The following DNAH6 variants were observed in gnomAD, a reference collection of about 807,000 sequenced individuals.
DNAH6 encodes axonemal beta dynein heavy chain 6.
Under a neutral mutation model 491.4 loss-of-function variants are expected in DNAH6, and 340 were observed. That is an observed-to-expected ratio of 0.69 (90% CI 0.63 to 0.76). DNAH6 has a LOEUF of 0.76. Among genes scored for constraint, DNAH6 ranks in the 30% least tolerant of loss-of-function variants. The pLI is 0.00. For synonymous variants in DNAH6, 1,603 were observed against 1,686.1 expected, an observed-to-expected ratio of 0.95 and a Z score of 1.21; for missense variants, 4,443 against 4,972.2, an observed-to-expected ratio of 0.89 and a Z score of 3.20.
chr2:84,819,180 G>A, intron 76 of DNAH6, 125 bp from the exon 77 acceptor site: 1 of 603,778 alleles, frequency 1.7e-6, no homozygotes, highest in Non-Finnish European at 2.9e-6. Context: ...AGGACTATTT[G>A]TCCAGCATCT....
chr2:84,483,575 A>G, the DNAH6 span, among the ~76,000 whole-genome samples: 1 of 152,078 alleles, frequency 6.6e-6, no homozygotes, highest in Non-Finnish European at 1.5e-5. Context: ...CTCTTTCCCC[A>G]TGTTTCTCCC....
chr2:84,609,670 TATA>T (rs35531519), intron 21 of DNAH6, among the ~76,000 whole-genome samples: 4,688 of 150,502 alleles, frequency 0.031, 75 homozygotes, highest in Middle Eastern at 0.1. Flanking sequence ...CCATAACAGA[TATA>T]ATAATAATAA....
the DNAH6 span, among the ~76,000 whole-genome samples, chr2:84,461,789 CTT>C: frequency 6.6e-6 from 1 of 152,138 alleles, no homozygotes; most frequent in African/African-American, 2.4e-5. Context: ...TGTCTCAAAA[CTT>C]TGTCTAAAGC....
chr2:84,657,934 G>A (rs1369671556), intron 35 of DNAH6, among the ~76,000 whole-genome samples: 1 of 151,974 alleles, frequency 6.6e-6, no homozygotes, highest in Non-Finnish European at 1.5e-5. Flanking sequence ...ATACTAAAAT[G>A]TTGTCTTCTG....
chr2:84,793,593 A>C (rs1191080515), intron 68 of DNAH6, among the ~76,000 whole-genome samples: 1 of 152,170 alleles, frequency 6.6e-6, no homozygotes, highest in Non-Finnish European at 1.5e-5. Context: ...TATTAGATGG[A>C]CCCACGACAG....
chr2:84,568,989 A>C (rs986487103), intron 11 of DNAH6, among the ~76,000 whole-genome samples: 1 of 152,234 alleles, frequency 6.6e-6, no homozygotes, highest in Non-Finnish European at 1.5e-5. Flanking sequence ...AAAACTATAC[A>C]TGCATTTACC....
intron 20 of DNAH6, among the ~76,000 whole-genome samples, chr2:84,606,236 A>C (rs1454443056): frequency 6.6e-6 from 1 of 152,228 alleles, no homozygotes; most frequent in Admixed American, 6.5e-5. Context: ...GGCCAGAATT[A>C]GAGATAAAAT....
the DNAH6 span, among the ~76,000 whole-genome samples, chr2:84,496,521 T>G: frequency 6.6e-6 from 1 of 152,200 alleles, no homozygotes; most frequent in East Asian, 1.9e-4. Context: ...CAGATGTGGT[T>G]CTAAACCAGA....
the DNAH6 span, among the ~76,000 whole-genome samples, chr2:84,493,226 T>C: frequency 1.3e-5 from 2 of 152,210 alleles, no homozygotes; most frequent in African/African-American, 4.8e-5. Context: ...GTAGATAATA[T>C]ATGTATACAA....
intron 54 of DNAH6, among the ~76,000 whole-genome samples, chr2:84,708,565 AAAG>A (rs1205579575): frequency 6.7e-6 from 1 of 148,890 alleles, no homozygotes; most frequent in African/African-American, 2.5e-5. Context: ...GGAAGGAAAG[AAAG>A]AGGGAAGGAA....
At chr2:84,754,150 G>A (rs1383767050) in intron 63 of DNAH6, among the ~76,000 whole-genome samples, 1 of 150,416 alleles carries the variant, frequency 6.6e-6, no homozygotes, top group Admixed American at 6.7e-5. Context: ...ATGATGTCAA[G>A]TGTGAAGTAA....
the DNAH6 span, among the ~76,000 whole-genome samples, chr2:84,510,596 G>C: frequency 6.6e-6 from 1 of 152,172 alleles, no homozygotes; most frequent in Non-Finnish European, 1.5e-5. Context: ...TCTCCATCCA[G>C]CTTTGTTCCA....
chr2:84,808,733 A>G (rs1679680595), intron 72 of DNAH6, among the ~76,000 whole-genome samples, 191 bp downstream of exon 72: 1 of 152,234 alleles, frequency 6.6e-6, no homozygotes, highest in Non-Finnish European at 1.5e-5. Context: ...TCTAATAATG[A>G]TGGAGTGAAT....
chr2:84,743,059 G>T (rs150093015), intron 62 of DNAH6, among the ~76,000 whole-genome samples: 1 of 152,068 alleles, frequency 6.6e-6, no homozygotes, highest in African/African-American at 2.4e-5. Flanking sequence ...ACAGCTAGAG[G>T]TAGAGATAGA....
intron 33 of DNAH6, among the ~76,000 whole-genome samples, chr2:84,642,947 T>C (rs2104512047): frequency 6.6e-6 from 1 of 152,304 alleles, no homozygotes; most frequent in South Asian, 2.1e-4. Context: ...TCATTTTACC[T>C]TCAATTATGC....
Position 84,669,414 on chromosome 2 carries a change from C to T in DNAH6, c.6210C>T (p.Val2070=), listed in dbSNP as rs753040318. The stretch of plus-strand genomic sequence containing the variant: ...ATGTTCCATTTTTTGAAATGCTTGT[C>T]CCCACAACTGACACAGTGCGCTATG... ...NRDVPFFEML[V]PTTDTVRYGY... Residue 2070 remains valine (V), a synonymous_variant, in exon 38 of 77, where the codon GTC becomes GTT. Coordinates refer to ENST00000389394, the MANE Select transcript of DNAH6 (RefSeq NM_001370.2). 1 of 1,551,960 alleles carries T rather than the reference C, an allele frequency of 6.4e-7. No individual in the cohort carries two copies. The highest frequency in any genetic ancestry group is 1.2e-5 in the South Asian group (1 of 84,048).
At chr2:84,623,271 C>T (rs1257660677) in intron 26 of DNAH6, among the ~76,000 whole-genome samples, 1 of 152,050 alleles carries the variant, frequency 6.6e-6, no homozygotes, top group Non-Finnish European at 1.5e-5. Flanking sequence ...AAAGCTTTTG[C>T]ACAGCAAGGA....
At chr2:84,706,389 A>G (rs772638634) in intron 52 of DNAH6, among the ~76,000 whole-genome samples, 6 of 152,306 alleles carry the variant, frequency 3.9e-5, no homozygotes, top group Non-Finnish European at 7.4e-5. Flanking sequence ...TTCAAATTTC[A>G]CACAGTTATC....
At chr2:84,461,622 T>G in the DNAH6 span, among the ~76,000 whole-genome samples, 2 of 152,330 alleles carry the variant, frequency 1.3e-5, no homozygotes, top group South Asian at 4.1e-4. Context: ...TTGTGAACAT[T>G]TAATACATTT....
Sources: allele counts gnomAD v4.1 joint callset (sites outside exome capture counted in the v4.1 genomes callset), GRCh38; gene constraint gnomAD v4.1.1; transcripts MANE v1.5; gene names NCBI Gene and HGNC (gene_info 2026-07-23, HGNC 2026-07-21).